Variants in TRIM37 observed in about 807,000 individuals in gnomAD.
TRIM37 encodes the protein E3 ubiquitin-protein ligase TRIM37.
A neutral mutation model predicts 129.8 loss-of-function variants in TRIM37; 80 were observed. That is an observed-to-expected ratio of 0.62 (90% CI 0.51 to 0.74). The LOEUF (loss-of-function observed/expected upper bound fraction) is 0.74. TRIM37 is among the 30% of genes least tolerant of loss of function. The probability of loss-of-function intolerance (pLI) is 0.00; values close to 1 mark genes in which losing one functional copy is unlikely to be tolerated. For synonymous variants in TRIM37, 389 were observed against 387.1 expected, an observed-to-expected ratio of 1.00 and a Z score of -0.06; for missense variants, 1,054 against 1,176.5, an observed-to-expected ratio of 0.90 and a Z score of 1.52.
chr17:58,980,334 A>G (rs770059329), downstream of TRIM37: 1 of 1,614,106 alleles, frequency 6.2e-7, no homozygotes, highest in Admixed American at 1.7e-5. This position sits in a 1 kb window ranked among gnomAD's most constrained non-coding sequence, Gnocchi z 4.7. Context: ...AATCATGGAG[A>G]GTGCAAACGC....
intron 23 of TRIM37, among the ~76,000 whole-genome samples, chr17:59,000,013 A>G (rs1485616624): frequency 6.6e-6 from 1 of 152,240 alleles, no homozygotes; most frequent in East Asian, 1.9e-4. Context: ...TGCAAAATAT[A>G]AAGCAGAAAA....
At chr17:59,098,530 T>C (rs529593922) in intron 2 of TRIM37, among the ~76,000 whole-genome samples, 1 of 152,012 alleles carries the variant, frequency 6.6e-6, no homozygotes, top group African/African-American at 2.4e-5. Context: ...CCAGGCACGA[T>C]GGCACACACT....
intron 22 of TRIM37, among the ~76,000 whole-genome samples, chr17:59,011,990 G>A (rs1444711303): frequency 6.6e-6 from 1 of 152,142 alleles, no homozygotes; most frequent in Non-Finnish European, 1.5e-5. Flanking sequence ...TTTATTGACC[G>A]AACAGATGAA....
At chr17:58,988,101 C>T (rs769671026) in intron 24 of TRIM37, among the ~76,000 whole-genome samples, 1 of 152,158 alleles carries the variant, frequency 6.6e-6, no homozygotes, top group Non-Finnish European at 1.5e-5. Context: ...GCACTAGTTT[C>T]GTAGGGTCGT....
intron 16 of TRIM37, among the ~76,000 whole-genome samples, chr17:59,042,430 TTAAAAAAAAAAAAAA>T (rs1176624200): frequency 2.2e-5 from 2 of 92,168 alleles, no homozygotes; most frequent in Non-Finnish European, 3.9e-5. Flanking sequence ...AAAAAGGAAT[TTAAAAAAAAAAAAAA>T]AAAAATATAT....
intron 8 of TRIM37, chr17:59,073,054 T>C (rs753978369): frequency 1.3e-5 from 2 of 152,174 alleles, no homozygotes; most frequent in Non-Finnish European, 2.9e-5. Context: ...CATACACACA[T>C]AATACAAAAA....
chr17:59,037,954 A>AT (rs907748599), intron 17 of TRIM37, among the ~76,000 whole-genome samples: 4 of 152,054 alleles, frequency 2.6e-5, no homozygotes, highest in African/African-American at 9.7e-5. Context: ...TAAGGGTATG[A>AT]TTTTTTCCCT....
chr17:59,061,387 A>T (rs1051189957), intron 11 of TRIM37, among the ~76,000 whole-genome samples: 7 of 152,120 alleles, frequency 4.6e-5, no homozygotes, highest in African/African-American at 1.7e-4. Context: ...AATCAACCTT[A>T]ATAAAAAAAC....
chr17:59,079,980 T>C, intron 6 of TRIM37, 103 bp from the exon 7 acceptor site: 1 of 1,337,906 alleles, frequency 7.5e-7, no homozygotes, highest in East Asian at 2.5e-5. Flanking sequence ...AAAAGGTAGT[T>C]AGAGGAAGGT....
Position 59,007,236 on chromosome 17 carries a change from C to CACACAT in TRIM37, c.2695+5091_2695+5092insATGTGT, listed in dbSNP as rs1377942759. On this transcript the variant is annotated intron_variant, in intron 22 of 23. Transcript: ENST00000262294. ...ACCACCCCACCCCCACCCACCCACA[C>CACACAT]ACACACACACGTTCCTGATGACACT... is the stretch of plus-strand genomic sequence containing the variant. Among the ~76,000 whole-genome samples the CACACAT allele has an allele frequency of 3.0e-4, 42 of 140,934 alleles. 3 individuals carry two copies. The South Asian group carries it at 0.01, about 34-fold the overall frequency. The allele number at this position is 140,934 out of a possible 152,430, so 92.5% of individuals were successfully genotyped here.
downstream of TRIM37, among the ~76,000 whole-genome samples, chr17:58,977,927 G>T (rs2031117531): frequency 6.6e-6 from 1 of 152,110 alleles, no homozygotes; most frequent in African/African-American, 2.4e-5. Flanking sequence ...ATTTTTAGTA[G>T]AGACAAGGTT....
At chr17:58,996,469 C>CAA (rs776770215), downstream of TRIM37, among the ~76,000 whole-genome samples, 264 of 79,070 alleles carry the variant, frequency 3.3e-3, 1 homozygote, top group African/African-American at 0.011. Flanking sequence ...GAACCTGTCT[C>CAA]AAAAAAAAAA....
chr17:59,046,410 C>T (rs1215045867), intron 16 of TRIM37, among the ~76,000 whole-genome samples: 2 of 152,136 alleles, frequency 1.3e-5, no homozygotes, highest in East Asian at 1.9e-4. Context: ...TTATCATTTC[C>T]GTAGTATCCC....
chr17:59,083,361 C>T (rs1391609304), intron 5 of TRIM37, among the ~76,000 whole-genome samples: 1 of 151,704 alleles, frequency 6.6e-6, no homozygotes, highest in East Asian at 1.9e-4. Flanking sequence ...TCACTTGAAC[C>T]CGGGAGGCGG....
intron 2 of TRIM37, among the ~76,000 whole-genome samples, chr17:59,103,340 ATTTTGTT>A (rs1461260435): frequency 1.3e-5 from 2 of 151,600 alleles, no homozygotes; most frequent in South Asian, 2.1e-4. Flanking sequence ...TCATTTTGTT[ATTTTGTT>A]TTTTGTTTTT....
At chr17:58,980,483 C>T, downstream of TRIM37, 1 of 1,614,172 alleles carries the variant, frequency 6.2e-7, no homozygotes. This position sits in a 1 kb window ranked among gnomAD's most constrained non-coding sequence, Gnocchi z 4.7. Context: ...AGATCTCACA[C>T]AAATAGAAGC....
the TRIM37 span, among the ~76,000 whole-genome samples, chr17:58,973,728 A>G: frequency 6.6e-6 from 1 of 151,978 alleles, no homozygotes; most frequent in East Asian, 1.9e-4. Context: ...TGAGGTGGGC[A>G]GATCATGAGG....
chr17:59,007,231 C>A lies in TRIM37; in HGVS notation c.2695+5097G>T, dbSNP rs12449349. Among the ~76,000 whole-genome samples the A allele has an allele frequency of 3.6e-3, 351 of 97,346 alleles. 9 individuals carry two copies. Among genetic ancestry groups the A allele is most frequent in the Middle Eastern group, 9.5e-3 (2 of 210 alleles). The allele number at this position is 97,346 out of a possible 152,430, so 63.9% of individuals were successfully genotyped here. ...CTAAAACCACCCCACCCCCACCCAC[C>A]CACACACACACACACGTTCCTGATG... On this transcript the variant is annotated intron_variant, in intron 22 of 23. Transcript: ENST00000262294.
intron 9 of TRIM37, 101 bp downstream of exon 9, chr17:59,070,718 AAGAG>A (rs1019389434): frequency 3.9e-6 from 5 of 1,276,472 alleles, no homozygotes; most frequent in African/African-American, 1.5e-5. Flanking sequence ...TATAAAAGAA[AAGAG>A]AGAGAGAGAT....
Sources: gnomAD v4.1 joint callset for allele counts (sites outside exome capture counted in the v4.1 genomes callset) on GRCh38, gnomAD v4.1.1 for gene constraint, Gnocchi (gnomAD v3.1) non-coding constraint, MANE v1.5 for transcripts, NCBI Gene and HGNC (gene_info 2026-07-23, HGNC 2026-07-21) for gene names.